HCRTR2: variants seen among roughly 807,000 people sequenced by gnomAD.
HCRTR2 encodes orexin receptor type 2.
In HCRTR2, 22 loss-of-function variants were observed where a neutral mutation model predicts 49.0. The ratio of observed to expected loss-of-function variants is 0.45; its 90% CI spans 0.32 to 0.64. HCRTR2 has a LOEUF of 0.64. HCRTR2 is among the 30% of genes least tolerant of loss of function. HCRTR2 has a pLI of 0.04. For synonymous variants in HCRTR2, 236 were observed against 205.3 expected (o/e 1.15, Z -1.28); for missense variants, 491 against 559.4 (o/e 0.88, Z 1.23).
intron 1 of HCRTR2, among the ~76,000 whole-genome samples, chr6:55,124,157 C>G (rs996895590): frequency 2.6e-5 from 4 of 152,054 alleles, no homozygotes; most frequent in Admixed American, 2.6e-4. Context: ...CTTCTGCTAG[C>G]TTTTGAATGT....
rs534260839 is a variant in HCRTR2, at chr6:55,224,457, A to G, written c.224-24182A>G. Among the ~76,000 whole-genome samples, 7 of 151,524 alleles carry G rather than the reference A, an allele frequency of 4.6e-5. No individual in the cohort carries two copies. The East Asian group carries it at 1.4e-3, about 29-fold the overall frequency. ...ACGGTGAAACCCCATCTCCACTAAA[A>G]AAAAATACAAAAAAAATTAGCCGGG... On this transcript the variant is annotated intron_variant, in intron 1 of 6. Coordinates refer to ENST00000370862, the MANE Select transcript of HCRTR2 (RefSeq NM_001384272.1).
chr6:55,202,213 G>T (rs1241469269), intron 1 of HCRTR2, among the ~76,000 whole-genome samples: 1 of 151,936 alleles, frequency 6.6e-6, no homozygotes, highest in African/African-American at 2.4e-5. Flanking sequence ...TTCCATTTTT[G>T]CTTTTCAGAC....
At chr6:55,108,563 G>C (rs983716301) in intron 1 of HCRTR2, among the ~76,000 whole-genome samples, 1 of 151,598 alleles carries the variant, frequency 6.6e-6, no homozygotes, top group Non-Finnish European at 1.5e-5. Flanking sequence ...GAGAGAGAAG[G>C]ATTTAACCTT....
At chr6:55,266,757 A>G (rs1766868034) in intron 4 of HCRTR2, among the ~76,000 whole-genome samples, 1 of 152,132 alleles carries the variant, frequency 6.6e-6, no homozygotes, top group Admixed American at 6.6e-5. Flanking sequence ...TGGTTACCCT[A>G]AAGTTTACAT....
intron 4 of HCRTR2, among the ~76,000 whole-genome samples, chr6:55,269,686 G>A (rs1327115892): frequency 6.6e-6 from 1 of 152,128 alleles, no homozygotes; most frequent in African/African-American, 2.4e-5. Flanking sequence ...ATCCAGGCTT[G>A]ATTGCTTATG....
At chr6:55,255,018 T>C in intron 2 of HCRTR2, 118 bp from the exon 3 acceptor site, 1 of 1,080,316 alleles carries the variant, frequency 9.3e-7, no homozygotes, top group Non-Finnish European at 1.4e-6. Flanking sequence ...TTGTTTATTT[T>C]TGGCAGCTTT....
intron 2 of HCRTR2, among the ~76,000 whole-genome samples, chr6:55,254,715 ATAT>A (rs1175481742): frequency 2.0e-5 from 3 of 148,932 alleles, no homozygotes; most frequent in Admixed American, 6.6e-5. Context: ...GAAGAAAGAC[ATAT>A]TATTCTTTAT....
At chr6:55,127,198 G>T (rs1056320533) in intron 1 of HCRTR2, among the ~76,000 whole-genome samples, 46 of 152,242 alleles carry the variant, frequency 3.0e-4, no homozygotes, top group Admixed American at 5.9e-4. Flanking sequence ...GGGCCCTGGT[G>T]GGGTAGGCAC....
chr6:55,174,340 C>T (rs1561995324), upstream of HCRTR2: 2 of 540,640 alleles, frequency 3.7e-6, no homozygotes, highest in Non-Finnish European at 3.3e-6. Flanking sequence ...GCCTCCAGTG[C>T]CGGGTCCCTA....
intron 4 of HCRTR2, among the ~76,000 whole-genome samples, chr6:55,265,621 G>T (rs1305955755): frequency 2.0e-5 from 3 of 152,080 alleles, no homozygotes; most frequent in African/African-American, 7.2e-5. Flanking sequence ...ATGAAGAGGG[G>T]ACACATTCTT....
chr6:55,272,533 A>T (rs1766992442), intron 4 of HCRTR2, among the ~76,000 whole-genome samples: 1 of 151,990 alleles, frequency 6.6e-6, no homozygotes, highest in Non-Finnish European at 1.5e-5. Context: ...TCGCAATAAA[A>T]TGTTTTCTTT....
rs563524338 is a variant in HCRTR2 at position 55,205,641 on chromosome 6, T to TA, written c.223+30839dup. ...CAATTCCTTCCAAGACTTCTGCTAT[T>TA]AAAAAAAATAAAAAAAGAAGGAGAA... On this transcript the variant is annotated intron_variant, in intron 1 of 6. Coordinates refer to ENST00000370862, the MANE Select transcript of HCRTR2 (RefSeq NM_001384272.1). Among the ~76,000 whole-genome samples the TA allele has an allele frequency of 2.4e-4, 36 of 151,988 alleles. No individual in the cohort carries two copies. The East Asian group carries it at 5.0e-3, about 21-fold the overall frequency.
chr6:55,140,127 T>C (rs1266803099), intron 1 of HCRTR2, among the ~76,000 whole-genome samples: 1 of 150,818 alleles, frequency 6.6e-6, no homozygotes, highest in Non-Finnish European at 1.5e-5. Context: ...AAAAAGGATA[T>C]GGTGCTTTGA....
chr6:55,244,918 C>T (rs1410425434), intron 1 of HCRTR2, among the ~76,000 whole-genome samples: 3 of 151,914 alleles, frequency 2.0e-5, no homozygotes, highest in South Asian at 2.1e-4. Flanking sequence ...TTGAGTAAGG[C>T]GTCCTTCCCC....
chr6:55,247,119 A>G (rs756909503), intron 1 of HCRTR2, among the ~76,000 whole-genome samples: 46 of 151,938 alleles, frequency 3.0e-4, no homozygotes, highest in Admixed American at 5.9e-4. Flanking sequence ...GTGTATGTCA[A>G]CTGCTAGGGT....
At chr6:55,117,028 T>A (rs1581780051) in intron 1 of HCRTR2, among the ~76,000 whole-genome samples, 1 of 151,774 alleles carries the variant, frequency 6.6e-6, no homozygotes, top group African/African-American at 2.4e-5. Flanking sequence ...AAAACCTACA[T>A]GTACAGTATG....
chr6:55,128,801 G>A (rs974235553), intron 1 of HCRTR2, among the ~76,000 whole-genome samples: 3 of 152,094 alleles, frequency 2.0e-5, no homozygotes, highest in African/African-American at 7.2e-5. Context: ...TTACACCACT[G>A]TAGCACACTA....
intron 1 of HCRTR2, among the ~76,000 whole-genome samples, chr6:55,246,934 C>G (rs1329676741): frequency 1.3e-5 from 2 of 152,042 alleles, no homozygotes; most frequent in African/African-American, 4.8e-5. Context: ...AGTCTTCCCA[C>G]CAGTGCCATT....
At chr6:55,145,028 C>G (rs1764559761) in intron 1 of HCRTR2, among the ~76,000 whole-genome samples, 2 of 152,146 alleles carry the variant, frequency 1.3e-5, no homozygotes, top group Admixed American at 6.5e-5. Flanking sequence ...AGAAAAGCTA[C>G]CCGTCTACTT....
Sources: gnomAD v4.1 joint callset for allele counts (sites outside exome capture counted in the v4.1 genomes callset) on GRCh38, gnomAD v4.1.1 for gene constraint, MANE v1.5 for transcripts, NCBI Gene and HGNC (gene_info 2026-07-23, HGNC 2026-07-21) for gene names.